XPO5: variants seen among roughly 807,000 people sequenced by gnomAD.
The protein encoded by XPO5 is exportin 5.
XPO5 carries 46 observed loss-of-function variants against 160.6 expected under a neutral mutation model. The ratio of observed to expected loss-of-function variants is 0.29; its 90% CI spans 0.23 to 0.37. XPO5 has a LOEUF of 0.37. XPO5 is among the 10% of genes least tolerant of loss of function. The probability of loss-of-function intolerance (pLI) is 1.00; values close to 1 mark genes in which losing one functional copy is unlikely to be tolerated. For missense variants in XPO5, 1,090 were observed against 1,463.9 expected, an observed-to-expected ratio of 0.74 and a Z score of 4.17; for synonymous variants, 537 against 519.3, an observed-to-expected ratio of 1.03 and a Z score of -0.46.
At chr6:43,545,983 G>A (rs1313005514) in intron 20 of XPO5, among the ~76,000 whole-genome samples, 1 of 152,024 alleles carries the variant, frequency 6.6e-6, no homozygotes, top group African/African-American at 2.4e-5. Flanking sequence ...AGTATGTCTG[G>A]GGTGGGGCCT....
intron 6 of XPO5, 44 bp from the exon 7 acceptor site, chr6:43,567,398 C>A: frequency 6.5e-7 from 1 of 1,536,920 alleles, no homozygotes; most frequent in Non-Finnish European, 8.7e-7. Flanking sequence ...TCCTCGGTAA[C>A]AGGTAAGGAA....
chr6:43,565,458 G>T (rs887823343), intron 8 of XPO5, among the ~76,000 whole-genome samples: 113 of 151,874 alleles, frequency 7.4e-4, no homozygotes, highest in African/African-American at 2.6e-3. Flanking sequence ...CCAGCTACTC[G>T]GGAGGCTGAG....
At chr6:43,573,631 C>A in intron 1 of XPO5, 30 bp from the exon 2 acceptor site, 1 of 1,599,934 alleles carries the variant, frequency 6.3e-7, no homozygotes, top group Admixed American at 1.7e-5. Context: ...TGTTTCCTTT[C>A]GAGGGCTGAG....
chr6:43,526,429 T>C (rs978867799), intron 27 of XPO5: 4 of 515,306 alleles, frequency 7.8e-6, no homozygotes, highest in Non-Finnish European at 1.4e-5. Flanking sequence ...TGGGAAGAGG[T>C]GACATTGGAA....
Position 43,568,720 on chromosome 6 carries a change from C to T in XPO5, c.639G>A (p.Gln213=). 1 of 1,578,322 alleles carries T rather than the reference C, an allele frequency of 6.3e-7. No homozygotes were observed. The highest frequency in any genetic ancestry group is 8.6e-7 in the Non-Finnish European group (1 of 1,160,136). ...TATAAAGAGCTCTTACCTTTGACTCCTGAGAAGTATCTGTCTTCTGAAAGG... is the reference window on the plus strand; with the variant it reads ...TATAAAGAGCTCTTACCTTTGACTCTTGAGAAGTATCTGTCTTCTGAAAGG... ...KYQQVKTDTS[Q]ESKAQANCRV... Residue 213 remains glutamine (Q), a synonymous_variant, in exon 6 of 32, where the codon CAG becomes CAA. Coordinates refer to ENST00000265351, the MANE Select transcript of XPO5 (RefSeq NM_020750.3).
Position 43,575,994 on chromosome 6 carries a change from A to G in XPO5, c.-130T>C, listed in dbSNP as rs1763305583. On this transcript the variant is annotated 5_prime_UTR_variant, in exon 1 of 32. Transcript: ENST00000265351. ...GGCGGGGGTGGGAAGCTGGAGGAGG[A>G]GCGTTAGCAGCAACTCGCGCTGGGA... 2 of 779,898 alleles carry G rather than the reference A, an allele frequency of 2.6e-6. No individual in the cohort carries two copies. The highest frequency in any genetic ancestry group is 3.4e-5 in the South Asian group (2 of 58,498). 48.3% of individuals were successfully genotyped at this position (779,898 alleles called of 1,614,324 possible).
chr6:43,559,251 C>T (rs1353274417), intron 11 of XPO5, among the ~76,000 whole-genome samples: 2 of 152,198 alleles, frequency 1.3e-5, no homozygotes, highest in African/African-American at 4.8e-5. Context: ...GAGCCAAGAT[C>T]GTGCCACTGC....
Position 43,570,609 on chromosome 6 carries a change from G to C in XPO5, c.514C>G (p.Pro172Ala). 6.2e-7 allele frequency: 1 copy of C among 1,613,788 alleles called. No individual in the cohort carries two copies. The highest frequency in any genetic ancestry group is 1.7e-5 in the Admixed American group (1 of 60,008). ...TGCTGGATGTCCCTTCTTCTTTGAG[G>C]GGGAAGTGTCTGAAAAGTCACTACA... ...EDVVTFQTLPPQRRRDIQQTL... is the reference protein window; with the variant it reads ...EDVVTFQTLPAQRRRDIQQTL... The change falls in exon 5 of 32, where the codon CCT (proline) becomes GCT (alanine). Residue 172 changes from proline (P) to alanine (A), a missense_variant. Pro to Ala is a conservative substitution (Grantham distance 27, BLOSUM62 -1). Around this residue, in one of 3 missense-constraint regions of XPO5, gnomAD observed 170 missense variants for 227.0 expected, o/e 0.75. Transcript: ENST00000265351.
At chr6:43,564,702 A>G (rs1325056083) in intron 8 of XPO5, among the ~76,000 whole-genome samples, 1 of 152,104 alleles carries the variant, frequency 6.6e-6, no homozygotes, top group Non-Finnish European at 1.5e-5. Context: ...TCCCAGCTCT[A>G]GTGACCCTCC....
At chr6:43,553,588 C>G in intron 13 of XPO5, 85 bp from the exon 14 acceptor site, 1 of 1,488,954 alleles carries the variant, frequency 6.7e-7, no homozygotes, top group Admixed American at 2.2e-5. Context: ...CACAGAGAGA[C>G]AATGGAGCCT....
intron 20 of XPO5, chr6:43,539,604 G>A (rs1259150571): frequency 1.0e-5 from 14 of 1,378,388 alleles, no homozygotes; most frequent in South Asian, 4.8e-5. Context: ...CCCCGGCCCC[G>A]GATGCCACTG....
In XPO5 at chr6:43,567,272, G is replaced by C; in HGVS notation, c.731C>G (p.Thr244Ser). The C allele has an allele frequency of 6.2e-7, 1 of 1,613,978 alleles. No homozygotes were observed. Among genetic ancestry groups the C allele is most frequent in the Non-Finnish European group, 8.5e-7 (1 of 1,179,886 alleles). The change falls in exon 7 of 32, where the codon ACT becomes AGT. Residue 244 changes from threonine (T) to serine (S), a missense_variant. Around this residue, in one of 3 missense-constraint regions of XPO5, gnomAD observed 110 missense variants for 97.9 expected, o/e 1.12. Coordinates refer to ENST00000265351, the MANE Select transcript of XPO5 (RefSeq NM_020750.3). ...YIDWVSMSHI[T>S]AENCKLLEIL... is the part of the protein sequence containing the mutation. ...CTCCAGGAGTTTACAGTTTTCAGCA[G>C]TGATGTGACTCATAGACACCCAGTC... is the stretch of plus-strand genomic sequence containing the variant.
chr6:43,547,472 GAGA>G (rs759277042), intron 19 of XPO5, 133 bp downstream of exon 19: 2 of 763,254 alleles, frequency 2.6e-6, no homozygotes, highest in South Asian at 2.9e-5. Context: ...GAAAAGAAAG[GAGA>G]AGCTTAGGGA....
intron 5 of XPO5, among the ~76,000 whole-genome samples, chr6:43,569,610 G>A: frequency 6.6e-6 from 1 of 151,818 alleles, no homozygotes; most frequent in African/African-American, 2.4e-5. Context: ...GCAGGCACCG[G>A]TAATCTCAGC....
intron 6 of XPO5, 144 bp from the exon 7 acceptor site, chr6:43,567,498 C>A: frequency 3.0e-6 from 2 of 671,918 alleles, no homozygotes; most frequent in Non-Finnish European, 4.7e-6. Context: ...GTAGGGAACA[C>A]AATCACTTCT....
At chr6:43,556,464 T>C (rs1458160987) in intron 12 of XPO5, among the ~76,000 whole-genome samples, 2 of 150,370 alleles carry the variant, frequency 1.3e-5, no homozygotes, top group East Asian at 3.9e-4. Flanking sequence ...AGGTGAAGAT[T>C]GTAGTGAGCC....
chr6:43,527,560 CATGG>C, intron 26 of XPO5, 70 bp downstream of exon 26: 1 of 1,488,388 alleles, frequency 6.7e-7, no homozygotes. Flanking sequence ...GTCAGGCCTT[CATGG>C]AGTTGGCTGA....
intron 30 of XPO5, 45 bp from the exon 31 acceptor site, chr6:43,524,680 T>C (rs1338717376): frequency 1.3e-6 from 2 of 1,599,046 alleles, no homozygotes; most frequent in South Asian, 2.2e-5. Context: ...GTTTGGATAT[T>C]GCCACCCTCC....
chr6:43,530,637 C>T, intron 23 of XPO5, 51 bp downstream of exon 23: 1 of 1,597,680 alleles, frequency 6.3e-7, no homozygotes, highest in Non-Finnish European at 8.5e-7. Context: ...TTTTGTTTCT[C>T]TCTCTAATTT....
Sources: allele counts gnomAD v4.1 joint callset (sites outside exome capture counted in the v4.1 genomes callset), GRCh38; gene constraint gnomAD v4.1.1; regional missense constraint gnomAD v4.1.1; transcripts MANE v1.5; gene names NCBI Gene and HGNC (gene_info 2026-07-23, HGNC 2026-07-21).